Variants in SCUBE2 observed in about 807,000 individuals in gnomAD.
The protein encoded by SCUBE2 is signal peptide, CUB domain and EGF like domain containing 2.
SCUBE2 carries 114 observed loss-of-function variants against 125.9 expected under a neutral mutation model. The ratio of observed to expected loss-of-function variants is 0.91; its 90% CI spans 0.78 to 1.06. The LOEUF (loss-of-function observed/expected upper bound fraction) is 1.06. SCUBE2 is among the 50% of genes least tolerant of loss of function. The pLI, the probability that SCUBE2 is intolerant of heterozygous loss-of-function variation, is 0.00. For synonymous variants in SCUBE2, 459 were observed against 492.9 expected (o/e 0.93, Z 0.91); for missense variants, 1,255 against 1,301.8 (o/e 0.96, Z 0.55).
intron 4 of SCUBE2, among the ~76,000 whole-genome samples, chr11:9,073,530 C>A (rs761014668): frequency 4.6e-5 from 7 of 152,172 alleles, no homozygotes; most frequent in Non-Finnish European, 1.0e-4. Context: ...GAAAAGTTAC[C>A]AAGACCAGGA....
chr11:9,061,150 T>C (rs1012865382), intron 7 of SCUBE2, among the ~76,000 whole-genome samples: 1 of 152,192 alleles, frequency 6.6e-6, no homozygotes, highest in Non-Finnish European at 1.5e-5. Flanking sequence ...CTGTATCTCA[T>C]ACAGTTAGTC....
chr11:9,034,263 G>A (rs933798049), intron 16 of SCUBE2, among the ~76,000 whole-genome samples: 3 of 152,190 alleles, frequency 2.0e-5, no homozygotes, highest in Admixed American at 1.3e-4. Flanking sequence ...TTTGTGTCAG[G>A]CCTTGAAGGA....
intron 5 of SCUBE2, among the ~76,000 whole-genome samples, chr11:9,067,348 T>C (rs1285257542): frequency 2.6e-5 from 4 of 152,224 alleles, no homozygotes; most frequent in Non-Finnish European, 5.9e-5. Flanking sequence ...ATCAAGACTA[T>C]ATATGAATGT....
Position 9,091,444 on chromosome 11 carries a change from C to T in SCUBE2, c.85G>A (p.Ala29Thr). The T allele has an allele frequency of 7.5e-7, 1 of 1,331,108 alleles. No individual in the cohort carries two copies. The highest frequency in any genetic ancestry group is 9.6e-7 in the Non-Finnish European group (1 of 1,044,548). The allele number at this position is 1,331,108 out of a possible 1,614,324, so 82.5% of individuals were successfully genotyped here. A position where few individuals can be genotyped will look rare whatever the true frequency, so the allele number is the denominator to read the frequency against. The change falls in exon 1 of 23, where the codon GCG (alanine) becomes ACG (threonine). Residue 29 changes from alanine to threonine, a missense_variant. Ala to Thr is a moderately conservative substitution (Grantham distance 58, BLOSUM62 0). Around this residue, in one of 3 missense-constraint regions of SCUBE2, gnomAD observed 362 missense variants for 323.0 expected, o/e 1.12. Transcript: ENST00000649792. The surrounding 1 kb of genome is among the most constrained non-coding windows in gnomAD (Gnocchi z 8.5). ...CCCCGACCCGGCGGGACGGCCCCCGCCAGCAGCAGCAGTGGCGGCAGCAGC... is the reference window on the plus strand; with the variant it reads ...CCCCGACCCGGCGGGACGGCCCCCGTCAGCAGCAGCAGTGGCGGCAGCAGC... ...LLLLPPLLLLAGAVPPGRGRA... is the reference protein window; with the variant it reads ...LLLLPPLLLLTGAVPPGRGRA...
intron 2 of SCUBE2, among the ~76,000 whole-genome samples, chr11:9,087,102 T>C (rs1368563025): frequency 1.3e-5 from 2 of 152,058 alleles, no homozygotes; most frequent in African/African-American, 2.4e-5. Flanking sequence ...TTTATATATA[T>C]ATATGGCACA....
At chr11:9,052,706 CAGTG>C in intron 13 of SCUBE2, 36 bp downstream of exon 13, 2 of 1,431,932 alleles carry the variant, frequency 1.4e-6, no homozygotes, top group Non-Finnish European at 1.9e-6. Flanking sequence ...CCCTTGAACA[CAGTG>C]AGCCCCCAGA....
At chr11:9,023,529 A>G (rs2135003553) in intron 21 of SCUBE2, among the ~76,000 whole-genome samples, 1 of 152,194 alleles carries the variant, frequency 6.6e-6, no homozygotes, top group Admixed American at 6.5e-5. Context: ...GCTGTTTGCC[A>G]CTCCACCAAA....
In SCUBE2 at chr11:9,091,338, A is replaced by C; in HGVS notation, c.133+58T>G. 2 of 1,222,820 alleles carry C rather than the reference A, an allele frequency of 1.6e-6. No individual in the cohort carries two copies. Among genetic ancestry groups the C allele is most frequent in the Non-Finnish European group, 2.1e-6 (2 of 971,114 alleles). The allele number at this position is 1,222,820 out of a possible 1,614,324, so 75.7% of individuals were successfully genotyped here. On this transcript the variant is annotated intron_variant, in intron 1 of 22. Transcript: ENST00000649792. This position sits in a 1 kb window ranked among gnomAD's most constrained non-coding sequence, Gnocchi z 8.5. ...GGCTCTGGACTCCGCCGGGGACCTA[A>C]ACACTCTTCCTGGCCCTGCCTGCTG...
chr11:9,028,726 G>A (rs577734122), intron 19 of SCUBE2, among the ~76,000 whole-genome samples: 5 of 152,308 alleles, frequency 3.3e-5, no homozygotes, highest in Admixed American at 6.5e-5. Flanking sequence ...GCCATGGGGC[G>A]GAGAATTGCC....
Position 9,020,287 on chromosome 11 carries a change from A to C in SCUBE2, c.*758T>G, listed in dbSNP as rs1855196595. The C allele has an allele frequency of 6.6e-6, 1 of 152,320 alleles. No individual in the cohort carries two copies. Among genetic ancestry groups the C allele is most frequent in the Non-Finnish European group, 1.5e-5 (1 of 68,056 alleles). 9.4% of individuals were successfully genotyped at this position (152,320 alleles called of 1,614,324 possible). ...CAGTCCCTCAGGCAATGGCCAGCAG[A>C]GTGTCAGAGGGCACAGCTGAAGGTG... On this transcript the variant is annotated 3_prime_UTR_variant, in exon 23 of 23. Coordinates refer to ENST00000649792, the MANE Select transcript of SCUBE2 (RefSeq NM_001367977.2).
intron 16 of SCUBE2, among the ~76,000 whole-genome samples, chr11:9,046,943 G>C (rs529355350): frequency 6.8e-6 from 1 of 148,066 alleles, no homozygotes; most frequent in Non-Finnish European, 1.5e-5. Context: ...AGCTAAGCTT[G>C]GGCCTCATGA....
chr11:9,089,892 C>G, intron 1 of SCUBE2, 63 bp from the exon 2 acceptor site: 3 of 1,578,640 alleles, frequency 1.9e-6, no homozygotes, highest in Non-Finnish European at 2.6e-6. Flanking sequence ...CTGGCCTCGG[C>G]CCTGTCTGGC....
chr11:9,049,569 C>T (rs2135422596), intron 14 of SCUBE2, among the ~76,000 whole-genome samples: 1 of 152,068 alleles, frequency 6.6e-6, no homozygotes, highest in South Asian at 2.1e-4. Context: ...AAGCAATGGC[C>T]CCTCCCTTCA....
At chr11:9,066,066 G>C (rs1860196543) in intron 6 of SCUBE2, 86 bp from the exon 7 acceptor site, 2 of 873,152 alleles carry the variant, frequency 2.3e-6, no homozygotes, top group South Asian at 3.0e-5. Context: ...TGAAATCCCA[G>C]ACATAAGAGG....
chr11:9,082,180 GTTAT>G (rs1026551868), intron 2 of SCUBE2, among the ~76,000 whole-genome samples: 3 of 152,074 alleles, frequency 2.0e-5, no homozygotes, highest in African/African-American at 4.8e-5. Flanking sequence ...TTTTAATTGC[GTTAT>G]TTGATTTTTA....
At chr11:9,086,714 G>A (rs1236625450) in intron 2 of SCUBE2, among the ~76,000 whole-genome samples, 3 of 152,138 alleles carry the variant, frequency 2.0e-5, no homozygotes, top group South Asian at 4.1e-4. Flanking sequence ...TTAGCCGGGT[G>A]TGGTGGTGCA....
At chr11:9,051,964 G>A (rs1318764459) in intron 13 of SCUBE2, among the ~76,000 whole-genome samples, 1 of 152,178 alleles carries the variant, frequency 6.6e-6, no homozygotes, top group Non-Finnish European at 1.5e-5. Context: ...TCTGGACCCA[G>A]ACTGCCTGGG....
At chr11:9,049,905 T>C (rs912386239) in intron 14 of SCUBE2, 2 of 152,218 alleles carry the variant, frequency 1.3e-5, no homozygotes, top group African/African-American at 4.8e-5. Context: ...TTACCTAAAA[T>C]AGGCAGTCAA....
rs1482234524 is a variant in SCUBE2, at chr11:9,089,707, C to T, written c.256G>A (p.Asp86Asn). ...GYQGEGRQCEDIDECGNELNG... is the reference protein window; with the variant it reads ...GYQGEGRQCENIDECGNELNG... ...CCCACATGGTCCCCAAGGCACTTAC[C>T]CTCACACTGCCTGCCTTCCCCTTGG... Residue 86 changes from aspartate (D) to asparagine (N), a missense_variant and splice_region_variant, in exon 2 of 23, where the codon GAC (aspartate) becomes AAC (asparagine). Around this residue, in one of 3 missense-constraint regions of SCUBE2, gnomAD observed 362 missense variants for 323.0 expected, o/e 1.12. Coordinates refer to ENST00000649792, the MANE Select transcript of SCUBE2 (RefSeq NM_001367977.2). 1 of 1,613,410 alleles carries T rather than the reference C, an allele frequency of 6.2e-7. No homozygotes were observed. The highest frequency in any genetic ancestry group is 1.7e-5 in the Admixed American group (1 of 59,952).
Sources: gnomAD v4.1 joint callset for allele counts (sites outside exome capture counted in the v4.1 genomes callset) on GRCh38, gnomAD v4.1.1 for gene constraint, gnomAD v4.1.1 regional missense constraint, Gnocchi (gnomAD v3.1) non-coding constraint, MANE v1.5 for transcripts, NCBI Gene and HGNC (gene_info 2026-07-23, HGNC 2026-07-21) for gene names.